CHD5: variants seen among roughly 807,000 people sequenced by gnomAD.
CHD5 encodes the protein ATP-dependent chromatin remodeler CHD5.
A neutral mutation model predicts 230.3 loss-of-function variants in CHD5; 69 were observed. The observed-to-expected ratio is 0.30, with a 90% confidence interval of 0.25 to 0.37. The LOEUF (loss-of-function observed/expected upper bound fraction) is 0.37, where lower values mean the gene tolerates loss of function less well. CHD5 is among the 10% of genes least tolerant of loss of function. The pLI, the probability that CHD5 is intolerant of heterozygous loss-of-function variation, is 1.00. For missense variants in CHD5, 1,827 were observed against 2,622.8 expected, an observed-to-expected ratio of 0.70 and a Z score of 6.63; for synonymous variants, 1,064 against 1,065.9, an observed-to-expected ratio of 1.00 and a Z score of 0.03.
chr1:6,126,971 A>C lies in CHD5; in HGVS notation c.3904-225T>G. On this transcript the variant is annotated intron_variant, in intron 25 of 41. Transcript: ENST00000262450. This position sits in a 1 kb window ranked among gnomAD's most constrained non-coding sequence, Gnocchi z 5.7. ...TTACTTATTCATCCATCCATTCACA[A>C]AGCAAGTATTTCCTCGCCTCCTGTC... is the stretch of plus-strand genomic sequence containing the variant. 1 of 573,530 alleles carries C rather than the reference A, an allele frequency of 1.7e-6. No homozygotes were observed. The highest frequency in any genetic ancestry group is 2.9e-5 in the East Asian group (1 of 34,234). The allele number at this position is 573,530 out of a possible 1,614,324, so 35.5% of individuals were successfully genotyped here. A position where few individuals can be genotyped will look rare whatever the true frequency, so the allele number is the denominator to read the frequency against.
At position 6,105,359 on chromosome 1, in the gene CHD5, C is replaced by T. The variant is rs1883768; in HGVS notation, c.*115G>A. 0.12 allele frequency: 56,455 copies of T among 470,118 alleles called. 4,329 individuals are homozygous for T. The highest frequency in any genetic ancestry group is 0.38 in the East Asian group (5,498 of 14,346). 29.1% of individuals were successfully genotyped at this position (470,118 alleles called of 1,614,324 possible). Reference sequence around the variant, plus strand: ...GGTTTCCCTTTTTGTCCCAAGGTGGCGCTGGCTCCTAAAAAGGTGGCAGCT... The same window carrying T: ...GGTTTCCCTTTTTGTCCCAAGGTGGTGCTGGCTCCTAAAAAGGTGGCAGCT... On this transcript the variant is annotated 3_prime_UTR_variant, in exon 42 of 42. Transcript: ENST00000262450. The surrounding 1 kb of genome is among the most constrained non-coding windows in gnomAD (Gnocchi z 4.8).
chr1:6,148,803 T>G (rs775792250), intron 9 of CHD5, 51 bp downstream of exon 9: 1 of 1,403,898 alleles, frequency 7.1e-7, no homozygotes, highest in South Asian at 1.6e-5. Flanking sequence ...GGGCGGGGCC[T>G]GTTCCTGGGG....
chr1:6,119,826 C>T (rs1278668200), intron 33 of CHD5, among the ~76,000 whole-genome samples: 6 of 145,206 alleles, frequency 4.1e-5, no homozygotes, highest in South Asian at 2.3e-4. Context: ...TATATATATA[C>T]GTGTATATGT....
chr1:6,146,273 G>A lies in CHD5; in HGVS notation c.1741C>T (p.Arg581Cys), dbSNP rs368326401. The change falls in exon 11 of 42, where the codon CGC (arginine) becomes TGC (cysteine). Residue 581 changes from arginine to cysteine, a missense_variant. Coordinates refer to ENST00000262450, the MANE Select transcript of CHD5 (RefSeq NM_015557.3). This position sits in a 1 kb window ranked among gnomAD's most constrained non-coding sequence, Gnocchi z 5.1. Reference protein sequence around the residue: ...KDPLYAKMEERFYRYGIKPEW... With the variant: ...KDPLYAKMEECFYRYGIKPEW... ...GGCTTGATGCCATAGCGGTAGAAGC[G>A]CTCCTCCATCTTGGCATAGAGGGGG... 2.6e-5 allele frequency: 42 copies of A among 1,614,052 alleles called. No homozygotes were observed. The highest frequency in any genetic ancestry group is 5.5e-5 in the South Asian group (5 of 91,094).
At chr1:6,166,993 C>T in intron 2 of CHD5, among the ~76,000 whole-genome samples, 1 of 152,182 alleles carries the variant, frequency 6.6e-6, no homozygotes, top group East Asian at 1.9e-4. Context: ...GCTCTTCTGG[C>T]AGCCACCTCC....
intron 2 of CHD5, among the ~76,000 whole-genome samples, chr1:6,159,992 A>T (rs1417074926): frequency 1.3e-5 from 2 of 152,202 alleles, no homozygotes; most frequent in Admixed American, 1.3e-4. Flanking sequence ...GAAGAGCCCC[A>T]GCCAGGGAAG....
At chr1:6,133,137 G>A (rs975223406) in intron 20 of CHD5, among the ~76,000 whole-genome samples, 2 of 152,194 alleles carry the variant, frequency 1.3e-5, no homozygotes, top group African/African-American at 4.8e-5. Flanking sequence ...TGGAATTGGG[G>A]TTCATAGGCT....
Position 6,142,025 on chromosome 1 carries a change from G to T in CHD5, c.2436+103C>A. On this transcript the variant is annotated intron_variant, in intron 15 of 41. Coordinates refer to ENST00000262450, the MANE Select transcript of CHD5 (RefSeq NM_015557.3). This position sits in a 1 kb window ranked among gnomAD's most constrained non-coding sequence, Gnocchi z 5.2. ...CCCTCAGAGCCTGCCGGCCTCGGTA[G>T]CCCTCCCAGGCTGAGGGACCCCAAA... 9.8e-7 allele frequency: 1 copy of T among 1,017,836 alleles called. No individual in the cohort carries two copies. The highest frequency in any genetic ancestry group is 1.5e-5 in the South Asian group (1 of 68,874). The allele number at this position is 1,017,836 out of a possible 1,614,324, so 63.1% of individuals were successfully genotyped here.
rs761251450 is a variant in CHD5, at chr1:6,134,230, G to A, written c.3042C>T (p.Tyr1014=). ...AAGACTTGACCAGGGAGCTTCCATCGTAGGAGCCATTGGGCAAGACAGGGG... is the reference window on the plus strand; with the variant it reads ...AAGACTTGACCAGGGAGCTTCCATCATAGGAGCCATTGGGCAAGACAGGGG... ...VEAPVLPNGS[Y]DGSSLVKSSG... is the part of the protein sequence containing the mutation. The change falls in exon 20 of 42, where the codon TAC becomes TAT. Residue 1014 remains tyrosine (Y), a synonymous_variant. Transcript: ENST00000262450. This position sits in a 1 kb window ranked among gnomAD's most constrained non-coding sequence, Gnocchi z 6.3. 18 of 1,613,570 alleles carry A rather than the reference G, an allele frequency of 1.1e-5. No homozygotes were observed. The highest frequency in any genetic ancestry group is 6.7e-5 in the Admixed American group (4 of 60,000).
intron 33 of CHD5, among the ~76,000 whole-genome samples, chr1:6,120,110 C>T (rs530621018): frequency 6.6e-6 from 1 of 152,238 alleles, no homozygotes; most frequent in African/African-American, 2.4e-5. Flanking sequence ...ATTCACCTGC[C>T]TCAGCCTCCC....
rs1666461402 is a variant in CHD5, at chr1:6,121,018, G to C, written c.4912+87C>G. 1 of 1,400,732 alleles carries C rather than the reference G, an allele frequency of 7.1e-7. No individual in the cohort carries two copies. The highest frequency in any genetic ancestry group is 9.4e-7 in the Non-Finnish European group (1 of 1,064,680). The allele number at this position is 1,400,732 out of a possible 1,614,324, so 86.8% of individuals were successfully genotyped here. On this transcript the variant is annotated intron_variant, in intron 33 of 41. Transcript: ENST00000262450. The surrounding 1 kb of genome is among the most constrained non-coding windows in gnomAD (Gnocchi z 4.5). ...CCTCTCTGCCAGGGAGAAATGAGCG[G>C]AAGTACAGCCACCTGCCCTTCTCTG...
chr1:6,112,741 G>A lies in CHD5; in HGVS notation c.5002+168C>T, dbSNP rs1051890771. On this transcript the variant is annotated intron_variant, in intron 34 of 41. Transcript: ENST00000262450. Reference sequence around the variant, plus strand: ...AGAGAGTAGGGGAGAGGCTGTCCCCGGCATTGGCTGTGAGGGGCTGGTGAA... The same window carrying A: ...AGAGAGTAGGGGAGAGGCTGTCCCCAGCATTGGCTGTGAGGGGCTGGTGAA... 5.3e-5 allele frequency among the ~76,000 whole-genome samples: 8 copies of A among 152,312 alleles called. No homozygotes were observed. In the South Asian group the frequency reaches 6.2e-4, roughly 12 times the overall value.
In CHD5 at chr1:6,159,438, C is replaced by T. The variant is rs368591455; in HGVS notation, c.285G>A (p.Pro95=). ...KSESEGSDYS[P]NKKKKKKLKD... ...TGAGTTTCTTCTTCTTCTTTTTATT[C>T]GGGGAGTAGTCACTGCCTTCACTCT... The change falls in exon 3 of 42, where the codon CCG becomes CCA. Residue 95 remains proline (P), a synonymous_variant. Coordinates refer to ENST00000262450, the MANE Select transcript of CHD5 (RefSeq NM_015557.3). 4.7e-5 allele frequency: 74 copies of T among 1,579,524 alleles called. 1 individual carries two copies. The highest frequency in any genetic ancestry group is 3.3e-4 in the Middle Eastern group (2 of 6,050).
Position 6,142,549 on chromosome 1 carries a change from C to G in CHD5, c.2100G>C (p.Leu700=). 1 of 1,614,082 alleles carries G rather than the reference C, an allele frequency of 6.2e-7. No individual in the cohort carries two copies. Among genetic ancestry groups the G allele is most frequent in the Non-Finnish European group, 8.5e-7 (1 of 1,180,026 alleles). ...PWYIDSTGGT[L]HPYQLEGLNW... is the part of the protein sequence containing the mutation. ...TGAGGCCCTCCAGCTGGTACGGGTG[C>G]AGTGTGCCGCCTGTGGAGTCGATGT... The change falls in exon 14 of 42, where the codon CTG becomes CTC. Residue 700 remains leucine (L), a synonymous_variant. Transcript: ENST00000262450. The surrounding 1 kb of genome is among the most constrained non-coding windows in gnomAD (Gnocchi z 5.2).
rs1198450154 is a variant in CHD5 at position 6,103,677 on chromosome 1, T to G, written c.*1797A>C. ...TAACATGTGAGCCCGCTGACAATCATCTCCACTCCAGGGTGCTCCCCACTA... is the reference window on the plus strand; with the variant it reads ...TAACATGTGAGCCCGCTGACAATCAGCTCCACTCCAGGGTGCTCCCCACTA... On this transcript the variant is annotated 3_prime_UTR_variant, in exon 42 of 42. Transcript: ENST00000262450. 6.6e-6 allele frequency: 1 copy of G among 152,256 alleles called. No individual in the cohort carries two copies. The highest frequency in any genetic ancestry group is 1.5e-5 in the Non-Finnish European group (1 of 68,100). The allele number at this position is 152,256 out of a possible 1,614,324, so 9.4% of individuals were successfully genotyped here. A position where few individuals can be genotyped will look rare whatever the true frequency, so the allele number is the denominator to read the frequency against.
At chr1:6,170,454 G>A (rs1000435247) in intron 1 of CHD5, among the ~76,000 whole-genome samples, 8 of 152,156 alleles carry the variant, frequency 5.3e-5, no homozygotes, top group Admixed American at 2.0e-4. Flanking sequence ...GTGGCTGAGC[G>A]GACGCCCCTC....
At chr1:6,159,003 T>C (rs12742564) in intron 3 of CHD5, among the ~76,000 whole-genome samples, 16,197 of 77,412 alleles carry the variant, frequency 0.21, 1,526 homozygotes, top group East Asian at 0.43. Context: ...CGAGACTCCG[T>C]CTCAAAAAAA....
At chr1:6,110,614 C>T in intron 36 of CHD5, 88 bp from the exon 37 acceptor site, 1 of 1,405,614 alleles carries the variant, frequency 7.1e-7, no homozygotes, top group Non-Finnish European at 9.8e-7. Flanking sequence ...GAGGGGCCAG[C>T]CCGGGGGTCG....
chr1:6,153,523 G>T (rs1481349123), intron 5 of CHD5, among the ~76,000 whole-genome samples: 1 of 152,160 alleles, frequency 6.6e-6, no homozygotes, highest in Non-Finnish European at 1.5e-5. Context: ...AGCCCCCTCA[G>T]CCCCTTCCAT....
Sources: allele counts gnomAD v4.1 joint callset (sites outside exome capture counted in the v4.1 genomes callset), GRCh38; gene constraint gnomAD v4.1.1; non-coding constraint Gnocchi (gnomAD v3.1); transcripts MANE v1.5; gene names NCBI Gene and HGNC (gene_info 2026-07-23, HGNC 2026-07-21).